MCTP2: variants seen among roughly 807,000 people sequenced by gnomAD.
MCTP2 encodes multiple C2 and transmembrane domain containing 2.
MCTP2 carries 132 observed loss-of-function variants against 111.6 expected under a neutral mutation model. The ratio of observed to expected loss-of-function variants is 1.18; its 90% CI spans 1.03 to 1.37. MCTP2 has a LOEUF of 1.37. MCTP2 is among the 40% of genes most tolerant of loss of function. The pLI, the probability that MCTP2 is intolerant of heterozygous loss-of-function variation, is 0.00. For synonymous variants in MCTP2, 395 were observed against 387.7 expected, an observed-to-expected ratio of 1.02 and a Z score of -0.22; for missense variants, 1,183 against 1,067.9, an observed-to-expected ratio of 1.11 and a Z score of -1.50.
intron 17 of MCTP2, among the ~76,000 whole-genome samples, chr15:94,405,873 T>A (rs1016427167): frequency 1.3e-5 from 2 of 152,194 alleles, no homozygotes; most frequent in Non-Finnish European, 2.9e-5. Flanking sequence ...TATATTAAAT[T>A]AAGGATATAT....
intron 4 of MCTP2, among the ~76,000 whole-genome samples, chr15:94,320,198 G>T (rs543125976): frequency 1.3e-5 from 2 of 148,992 alleles, no homozygotes. Flanking sequence ...GCTGGAGTGC[G>T]GTGGCACAGA....
At chr15:94,439,345 G>C (rs562579861) in intron 17 of MCTP2, among the ~76,000 whole-genome samples, 1 of 152,092 alleles carries the variant, frequency 6.6e-6, no homozygotes, top group South Asian at 2.1e-4. Context: ...AGCACTTACA[G>C]ACAGCTGATA....
At chr15:94,354,944 C>T (rs529905824) in intron 8 of MCTP2, among the ~76,000 whole-genome samples, 36 of 152,262 alleles carry the variant, frequency 2.4e-4, no homozygotes, top group African/African-American at 6.3e-4. Context: ...CATTGCTCGA[C>T]GATGATGCTC....
At chr15:94,412,290 C>CTT (rs199560639) in intron 17 of MCTP2, among the ~76,000 whole-genome samples, 206 of 140,854 alleles carry the variant, frequency 1.5e-3, no homozygotes, top group African/African-American at 4.5e-3. Context: ...TTGGACTCTG[C>CTT]TTTTTTTTTT....
intron 2 of MCTP2, among the ~76,000 whole-genome samples, chr15:94,311,821 T>G (rs2076156903): frequency 6.6e-6 from 1 of 152,154 alleles, no homozygotes; most frequent in Admixed American, 6.5e-5. Flanking sequence ...ATGATGGTGG[T>G]TAGGTGGATT....
intron 8 of MCTP2, among the ~76,000 whole-genome samples, chr15:94,352,286 CA>C (rs1468929086): frequency 6.6e-6 from 1 of 152,200 alleles, no homozygotes. Flanking sequence ...TTAGTGTTTT[CA>C]AAGCTCTTTT....
intron 15 of MCTP2, among the ~76,000 whole-genome samples, chr15:94,399,351 G>A (rs557946326): frequency 4.6e-5 from 7 of 152,280 alleles, no homozygotes; most frequent in African/African-American, 1.7e-4. Context: ...TTTACAGTTC[G>A]TGTGATGTGG....
At chr15:94,325,902 C>T (rs1005943559) in intron 4 of MCTP2, among the ~76,000 whole-genome samples, 46 of 145,742 alleles carry the variant, frequency 3.2e-4, no homozygotes, top group Admixed American at 2.5e-3. Context: ...TCACTGCAAC[C>T]TCTGCCTCTC....
At chr15:94,462,724 TCACTGGAAGTGAATGATC>T (rs2085291819) in intron 20 of MCTP2, among the ~76,000 whole-genome samples, 1 of 152,212 alleles carries the variant, frequency 6.6e-6, no homozygotes, top group Admixed American at 6.5e-5. Context: ...CCCAGTTTTG[TCACTGGAAGTGAATGATC>T]TTAGGCAACT....
intron 4 of MCTP2, among the ~76,000 whole-genome samples, chr15:94,320,907 C>T (rs1402808547): frequency 6.6e-6 from 1 of 152,158 alleles, no homozygotes; most frequent in Admixed American, 6.5e-5. Flanking sequence ...TGGATTTGGT[C>T]TACTACTTGG....
At chr15:94,303,330 A>G (rs2075733545) in intron 2 of MCTP2, among the ~76,000 whole-genome samples, 2 of 151,720 alleles carry the variant, frequency 1.3e-5, no homozygotes, top group African/African-American at 4.8e-5. Flanking sequence ...AGCATGGGAG[A>G]AAGGTGTAGG....
intron 14 of MCTP2, among the ~76,000 whole-genome samples, chr15:94,390,078 A>ATG (rs1555464873): frequency 0.018 from 848 of 47,218 alleles, 33 homozygotes; most frequent in African/African-American, 0.041. Context: ...ATATATATAT[A>ATG]TATATATATA....
chr15:94,355,905 A>G (rs1353944101), intron 8 of MCTP2: 2 of 1,079,860 alleles, frequency 1.9e-6, no homozygotes, highest in East Asian at 1.3e-4. Flanking sequence ...GTGCCAAGTC[A>G]AAGTGTTGCA....
intron 17 of MCTP2, among the ~76,000 whole-genome samples, chr15:94,424,382 C>T (rs1443262509): frequency 6.6e-6 from 1 of 151,820 alleles, no homozygotes. Flanking sequence ...CTGGTGGACG[C>T]GTGTAAGAAT....
intron 1 of MCTP2, among the ~76,000 whole-genome samples, chr15:94,245,415 T>TATAC (rs1234540428): frequency 5.1e-5 from 7 of 138,092 alleles, no homozygotes; most frequent in African/African-American, 1.3e-4. Context: ...TATATTTATA[T>TATAC]ACATGTGTGT....
chr15:94,339,504 G>GACGT (rs10686457), intron 5 of MCTP2, 72 bp downstream of exon 5: 181,316 of 1,298,586 alleles, frequency 0.14, 14,737 homozygotes, highest in African/African-American at 0.16. Flanking sequence ...TGTCCTCTTA[G>GACGT]ACGTGAACTT....
At chr15:94,402,579 A>C in intron 17 of MCTP2, 1 of 1,551,576 alleles carries the variant, frequency 6.4e-7, no homozygotes, top group Non-Finnish European at 8.7e-7. Flanking sequence ...TCGCAGAATC[A>C]AAGCGCTGCA....
At chr15:94,327,154 T>C (rs2076922114) in intron 4 of MCTP2, among the ~76,000 whole-genome samples, 1 of 152,200 alleles carries the variant, frequency 6.6e-6, no homozygotes, top group Admixed American at 6.5e-5. Flanking sequence ...ATTTTTTATC[T>C]AGAAAGCTTC....
intron 2 of MCTP2, among the ~76,000 whole-genome samples, chr15:94,302,779 TTTGTGGGGTC>T (rs2075684142): frequency 6.6e-6 from 1 of 152,232 alleles, no homozygotes; most frequent in South Asian, 2.1e-4. Context: ...GCTTTTCATG[TTTGTGGGGTC>T]TTTTGTCGTC....
Sources: allele counts gnomAD v4.1 joint callset (sites outside exome capture counted in the v4.1 genomes callset), GRCh38; gene constraint gnomAD v4.1.1; transcripts MANE v1.5; gene names NCBI Gene and HGNC (gene_info 2026-07-23, HGNC 2026-07-21).